SWAP70: variants seen among roughly 807,000 people sequenced by gnomAD.
The protein encoded by SWAP70 is switch-associated protein 70.
In SWAP70, 34 loss-of-function variants were observed where a neutral mutation model predicts 80.2. That is an observed-to-expected ratio of 0.42 (90% confidence interval 0.32 to 0.56). The LOEUF (loss-of-function observed/expected upper bound fraction) is 0.56, where lower values mean the gene tolerates loss of function less well. Ranked by LOEUF, SWAP70 falls within the 20% of genes least tolerant of loss-of-function variation. The pLI, the probability that SWAP70 is intolerant of heterozygous loss-of-function variation, is 0.09. For synonymous variants in SWAP70, 239 were observed against 238.5 expected (o/e 1.00, Z -0.02); for missense variants, 578 against 690.7 (o/e 0.84, Z 1.83).
chr11:9,736,771 C>G (rs76190780), intron 7 of SWAP70, among the ~76,000 whole-genome samples: 6,709 of 152,230 alleles, frequency 0.044, 202 homozygotes, highest in Non-Finnish European at 0.063. Flanking sequence ...TGTTGTTCTC[C>G]ATAATGCCCT....
rs575340895 is a variant in SWAP70 at position 9,680,543 on chromosome 11, A to G, written c.100-13603A>G. On this transcript the variant is annotated intron_variant, in intron 1 of 11. Coordinates refer to ENST00000318950, the MANE Select transcript of SWAP70 (RefSeq NM_015055.4). ...TGATTCTCCTGCCTCATCCTCCTGA[A>G]TAGCTGGTATTACAGGTGCCCGCTA... 6.6e-5 allele frequency among the ~76,000 whole-genome samples: 10 copies of G among 152,024 alleles called. No individual in the cohort carries two copies. The South Asian group carries it at 2.1e-3, about 32-fold the overall frequency.
chr11:9,720,319 A>G, intron 3 of SWAP70: 1 of 985,404 alleles, frequency 1.0e-6, no homozygotes, highest in Non-Finnish European at 1.2e-6. Flanking sequence ...ACAACTTCAT[A>G]AGGCTTGGGA....
intron 1 of SWAP70, among the ~76,000 whole-genome samples, chr11:9,681,702 C>T (rs1850570365): frequency 1.3e-5 from 2 of 152,116 alleles, no homozygotes; most frequent in South Asian, 4.1e-4. Flanking sequence ...GATGAGCAAA[C>T]TGGCAATTCA....
At chr11:9,673,848 CAG>C (rs147969829) in intron 1 of SWAP70, among the ~76,000 whole-genome samples, 88 of 149,178 alleles carry the variant, frequency 5.9e-4, no homozygotes, top group Non-Finnish European at 6.7e-4. Context: ...GGCAGAAGGT[CAG>C]AGAGAGAGAG....
chr11:9,699,443 TTTA>T, intron 2 of SWAP70, among the ~76,000 whole-genome samples: 1 of 152,180 alleles, frequency 6.6e-6, no homozygotes, highest in East Asian at 1.9e-4. Flanking sequence ...GTTCTATAGT[TTTA>T]TTATATGTAA....
intron 9 of SWAP70, among the ~76,000 whole-genome samples, chr11:9,747,408 A>T (rs1851525627): frequency 6.6e-6 from 1 of 152,244 alleles, no homozygotes; most frequent in South Asian, 2.1e-4. Flanking sequence ...TTACTAGATG[A>T]AAATGTTTTC....
intron 9 of SWAP70, among the ~76,000 whole-genome samples, chr11:9,747,280 C>T (rs1056668931): frequency 2.0e-5 from 3 of 152,194 alleles, no homozygotes; most frequent in Admixed American, 6.5e-5. Flanking sequence ...AGGGGATTAG[C>T]AATAATGGAG....
intron 6 of SWAP70, 27 bp from the exon 7 acceptor site, chr11:9,732,502 T>A: frequency 6.3e-7 from 1 of 1,582,138 alleles, no homozygotes; most frequent in Non-Finnish European, 8.6e-7. Flanking sequence ...TCTCCCCATT[T>A]TTTTTTTCCT....
intron 2 of SWAP70, 150 bp downstream of exon 2, chr11:9,694,436 C>A: frequency 1.1e-6 from 1 of 926,392 alleles, no homozygotes; most frequent in Non-Finnish European, 1.5e-6. Context: ...GAGAGACTGA[C>A]AGTGCTTCCT....
rs1192884138 is a variant in SWAP70, at chr11:9,694,281, G to A, written c.235G>A (p.Glu79Lys). The change falls in exon 2 of 12, where the codon GAA (glutamate) becomes AAA (lysine). Residue 79 changes from glutamate to lysine, a missense_variant. Glu to Lys is a moderately conservative substitution (Grantham distance 56). Coordinates refer to ENST00000318950, the MANE Select transcript of SWAP70 (RefSeq NM_015055.4). ...GCCTTATTTAAACAGGTTCATTTTG[G>A]AAAAGGTATGATTCTAACCTTTTTT... Reference protein sequence around the residue: ...YMPYLNRFILEKVQDNFDKIE... With the variant: ...YMPYLNRFILKKVQDNFDKIE... The A allele has an allele frequency of 1.2e-6, 2 of 1,610,266 alleles. No homozygotes were observed. The highest frequency in any genetic ancestry group is 1.7e-6 in the Non-Finnish European group (2 of 1,178,444).
intron 3 of SWAP70, among the ~76,000 whole-genome samples, chr11:9,724,333 A>G (rs1473536573): frequency 6.6e-6 from 1 of 152,248 alleles, no homozygotes; most frequent in Admixed American, 6.5e-5. Context: ...ATATATTGAA[A>G]TATTTAACAG....
At chr11:9,675,358 A>G (rs1423500815) in intron 1 of SWAP70, among the ~76,000 whole-genome samples, 4,209 of 27,940 alleles carry the variant, frequency 0.15, 1,170 homozygotes, top group East Asian at 0.21. Flanking sequence ...AGAGAGAGAG[A>G]GAGAGAGAGA....
At chr11:9,724,314 A>G (rs1392094580) in intron 3 of SWAP70, among the ~76,000 whole-genome samples, 1 of 152,220 alleles carries the variant, frequency 6.6e-6, no homozygotes, top group Non-Finnish European at 1.5e-5. Context: ...GAGTAAGACT[A>G]ATGTTCTGAT....
At chr11:9,689,229 G>A (rs745556269) in intron 1 of SWAP70, among the ~76,000 whole-genome samples, 1 of 152,164 alleles carries the variant, frequency 6.6e-6, no homozygotes, top group South Asian at 2.1e-4. Flanking sequence ...CTACTTACTC[G>A]TGTTAAAACA....
chr11:9,738,172 C>A, intron 7 of SWAP70, 41 bp from the exon 8 acceptor site: 1 of 1,494,588 alleles, frequency 6.7e-7, no homozygotes, highest in South Asian at 1.2e-5. Context: ...TACTTCTACT[C>A]TAACACCTGC....
At chr11:9,703,341 A>G in intron 2 of SWAP70, 1 of 456,130 alleles carries the variant, frequency 2.2e-6, no homozygotes, top group Non-Finnish European at 4.4e-6. Flanking sequence ...CAGTTGTTGG[A>G]CATGTGGGTT....
intron 10 of SWAP70, 56 bp downstream of exon 10, chr11:9,748,112 C>G: frequency 1.3e-6 from 2 of 1,526,894 alleles, no homozygotes; most frequent in Non-Finnish European, 1.8e-6. Context: ...AAACATTTCT[C>G]AATAATAGAA....
chr11:9,719,185 A>T (rs536398626), intron 3 of SWAP70, among the ~76,000 whole-genome samples: 3 of 147,952 alleles, frequency 2.0e-5, no homozygotes, highest in Non-Finnish European at 4.5e-5. Flanking sequence ...CAGGCTGATC[A>T]CTTGAGCTCA....
chr11:9,664,241 A>T lies in SWAP70; in HGVS notation c.62A>T (p.Gln21Leu). 1 of 1,594,484 alleles carries T rather than the reference A, an allele frequency of 6.3e-7. No individual in the cohort carries two copies. Among genetic ancestry groups the T allele is most frequent in the South Asian group, 1.1e-5 (1 of 87,578 alleles). The change falls in exon 1 of 12, where the codon CAG becomes CTG. Residue 21 changes from glutamine (Q) to leucine (L), a missense_variant. Physicochemically the swap from Gln to Leu is moderately radical, Grantham distance 113. Coordinates refer to ENST00000318950, the MANE Select transcript of SWAP70 (RefSeq NM_015055.4). The part of the protein sequence containing the change: ...AIWHAFTALD[Q>L]DHSGKVSKSQ... Reference sequence around the variant, plus strand: ...TGGCACGCCTTCACCGCACTCGACCAGGACCACAGCGGCAAGGTCTCCAAG... The same window carrying T: ...TGGCACGCCTTCACCGCACTCGACCTGGACCACAGCGGCAAGGTCTCCAAG...
Sources: allele counts gnomAD v4.1 joint callset (sites outside exome capture counted in the v4.1 genomes callset), GRCh38; gene constraint gnomAD v4.1.1; transcripts MANE v1.5; gene names NCBI Gene and HGNC (gene_info 2026-07-23, HGNC 2026-07-21).